Variants in CWC27 observed in about 807,000 individuals in gnomAD.
The protein encoded by CWC27 is CWC27 spliceosome associated cyclophilin.
CWC27 carries 47 observed loss-of-function variants against 63.6 expected under a neutral mutation model. The observed-to-expected ratio is 0.74, with a 90% CI of 0.58 to 0.94. The LOEUF is 0.94. CWC27 is among the 40% of genes least tolerant of loss of function. The pLI, the probability that CWC27 is intolerant of heterozygous loss-of-function variation, is 0.00. For synonymous variants in CWC27, 175 were observed against 179.8 expected (o/e 0.97, Z 0.22); for missense variants, 495 against 554.3 (o/e 0.89, Z 1.07).
At chr5:64,877,331 AT>A (rs1349604087) in intron 10 of CWC27, among the ~76,000 whole-genome samples, 12 of 152,036 alleles carry the variant, frequency 7.9e-5, no homozygotes, top group Admixed American at 5.2e-4. Context: ...AATATCGTAT[AT>A]TCTCAGTCAT....
At chr5:64,934,087 G>GT (rs911087582) in intron 11 of CWC27, among the ~76,000 whole-genome samples, 7 of 151,904 alleles carry the variant, frequency 4.6e-5, no homozygotes, top group Admixed American at 1.3e-4. Flanking sequence ...TTCACCCTTA[G>GT]TTTTTTTGTT....
At chr5:64,894,978 C>T (rs896735010) in intron 11 of CWC27, among the ~76,000 whole-genome samples, 1 of 152,134 alleles carries the variant, frequency 6.6e-6, no homozygotes, top group Non-Finnish European at 1.5e-5. Flanking sequence ...ACCTCATTTC[C>T]ATCAGTGGGC....
intron 11 of CWC27, among the ~76,000 whole-genome samples, chr5:64,963,047 TG>T (rs1256653000): frequency 6.6e-6 from 1 of 152,096 alleles, no homozygotes; most frequent in Non-Finnish European, 1.5e-5. Context: ...CTCCACCTCC[TG>T]AGTTCAAGCA....
chr5:64,836,021 G>A (rs566798034), intron 10 of CWC27, among the ~76,000 whole-genome samples: 4 of 151,884 alleles, frequency 2.6e-5, no homozygotes, highest in African/African-American at 7.2e-5. Flanking sequence ...AATATTTAAT[G>A]AAGCAATAAA....
At chr5:65,016,054 T>A (rs1348064803) in intron 13 of CWC27, among the ~76,000 whole-genome samples, 1 of 152,224 alleles carries the variant, frequency 6.6e-6, no homozygotes, top group Non-Finnish European at 1.5e-5. Flanking sequence ...AAATCTGGTT[T>A]AATTATTCTT....
chr5:64,886,334 T>C (rs983788700), intron 11 of CWC27, among the ~76,000 whole-genome samples: 5 of 152,184 alleles, frequency 3.3e-5, no homozygotes, highest in African/African-American at 1.2e-4. Flanking sequence ...AATTGTATTG[T>C]CCATTCAGTG....
chr5:64,831,821 T>A (rs1745529517), intron 10 of CWC27, among the ~76,000 whole-genome samples: 1 of 151,946 alleles, frequency 6.6e-6, no homozygotes, highest in Non-Finnish European at 1.5e-5. Context: ...ATTGAGTGGT[T>A]TTATTTTACA....
rs979607366 is a variant in CWC27 at position 65,018,676 on chromosome 5, T to C, written c.*355T>C. 1 of 153,408 alleles carries C rather than the reference T, an allele frequency of 6.5e-6. No individual in the cohort carries two copies. The highest frequency in any genetic ancestry group is 2.4e-5 in the African/African-American group (1 of 41,520). The allele number at this position is 153,408 out of a possible 1,614,324, so 9.5% of individuals were successfully genotyped here. A position where few individuals can be genotyped will look rare whatever the true frequency, so the allele number is the denominator to read the frequency against. Reference sequence around the variant, plus strand: ...TCAAGATTTTTTTATAAGAAGTTCCTACAGAAAGAATATTTGTGGGAAACC... The same window carrying C: ...TCAAGATTTTTTTATAAGAAGTTCCCACAGAAAGAATATTTGTGGGAAACC... On this transcript the variant is annotated 3_prime_UTR_variant, in exon 14 of 14. Coordinates refer to ENST00000381070, the MANE Select transcript of CWC27 (RefSeq NM_005869.4).
At chr5:64,787,433 A>C (rs1261170008) in intron 6 of CWC27, among the ~76,000 whole-genome samples, 1 of 152,136 alleles carries the variant, frequency 6.6e-6, no homozygotes, top group African/African-American at 2.4e-5. Context: ...TTTTAAAATT[A>C]ATATGTGCTC....
intron 10 of CWC27, among the ~76,000 whole-genome samples, chr5:64,841,145 G>T (rs1196702334): frequency 1.3e-5 from 2 of 152,190 alleles, no homozygotes; most frequent in African/African-American, 4.8e-5. Context: ...TGGAGGCTGG[G>T]AAGTCCAAGA....
chr5:64,930,277 AG>A (rs1388152360), intron 11 of CWC27, among the ~76,000 whole-genome samples: 2 of 151,994 alleles, frequency 1.3e-5, no homozygotes, highest in Non-Finnish European at 2.9e-5. Flanking sequence ...TTTTTTTTTA[AG>A]GGGTGGTGGA....
intron 11 of CWC27, among the ~76,000 whole-genome samples, chr5:64,928,416 CT>C (rs892058240): frequency 6.6e-6 from 1 of 152,174 alleles, no homozygotes; most frequent in Non-Finnish European, 1.5e-5. Context: ...TTTTCTTCTT[CT>C]TTTAGCAATC....
At chr5:64,898,762 C>T (rs1288577657) in intron 11 of CWC27, among the ~76,000 whole-genome samples, 1 of 152,140 alleles carries the variant, frequency 6.6e-6, no homozygotes, top group Non-Finnish European at 1.5e-5. Flanking sequence ...AGGGTGAGCA[C>T]TTCAGGACCA....
intron 10 of CWC27, among the ~76,000 whole-genome samples, chr5:64,818,188 GCTGAATC>G (rs1160908254): frequency 6.6e-6 from 1 of 152,022 alleles, no homozygotes; most frequent in African/African-American, 2.4e-5. Context: ...AGTTTAAGTT[GCTGAATC>G]ACTTCTTTTT....
At chr5:64,811,283 C>T (rs1744869942) in intron 10 of CWC27, among the ~76,000 whole-genome samples, 1 of 151,948 alleles carries the variant, frequency 6.6e-6, no homozygotes, top group Non-Finnish European at 1.5e-5. Context: ...GTCTTTCCTG[C>T]TTGTTTTTAG....
chr5:64,921,413 T>G (rs1747994672), intron 11 of CWC27, among the ~76,000 whole-genome samples: 1 of 152,180 alleles, frequency 6.6e-6, no homozygotes, highest in Non-Finnish European at 1.5e-5. Context: ...ATTCTGGTCT[T>G]GTTGGGTGGA....
At chr5:64,835,560 G>C (rs1484440865) in intron 10 of CWC27, among the ~76,000 whole-genome samples, 1 of 151,802 alleles carries the variant, frequency 6.6e-6, no homozygotes, top group Non-Finnish European at 1.5e-5. Context: ...ATGTGATCTT[G>C]CTAAATATAG....
At chr5:64,945,883 G>C (rs556211605) in intron 11 of CWC27, among the ~76,000 whole-genome samples, 3 of 152,216 alleles carry the variant, frequency 2.0e-5, no homozygotes, top group African/African-American at 7.2e-5. Flanking sequence ...GAATGAAAAA[G>C]AAACTTGCTG....
intron 10 of CWC27, among the ~76,000 whole-genome samples, chr5:64,879,334 G>A (rs1196286774): frequency 6.6e-6 from 1 of 151,932 alleles, no homozygotes; most frequent in Admixed American, 6.6e-5. Flanking sequence ...TCTTGAAAGT[G>A]GAAATAGGTA....
Sources: gnomAD v4.1 joint callset for allele counts (sites outside exome capture counted in the v4.1 genomes callset) on GRCh38, gnomAD v4.1.1 for gene constraint, MANE v1.5 for transcripts, NCBI Gene and HGNC (gene_info 2026-07-23, HGNC 2026-07-21) for gene names.